CNBD1: variants seen among roughly 807,000 people sequenced by gnomAD.
The protein encoded by CNBD1 is cyclic nucleotide-binding domain-containing protein 1.
Under a neutral mutation model 54.4 loss-of-function variants are expected in CNBD1, and 71 were observed. The observed-to-expected ratio is 1.30, with a 90% CI of 1.08 to 1.59. The LOEUF (loss-of-function observed/expected upper bound fraction) is 1.59. Among genes scored for constraint, CNBD1 ranks in the 40% most tolerant of loss-of-function variants. CNBD1 has a pLI of 0.00. For synonymous variants in CNBD1, 182 were observed against 170.7 expected (o/e 1.07, Z -0.51); for missense variants, 659 against 518.0 (o/e 1.27, Z -2.64).
At chr8:87,119,430 G>A (rs1403180749) in intron 4 of CNBD1, among the ~76,000 whole-genome samples, 3 of 151,642 alleles carry the variant, frequency 2.0e-5, no homozygotes, top group African/African-American at 7.3e-5. Context: ...CATTGATTTT[G>A]TATACTGCAA....
chr8:87,139,606 A>G (rs914702588), intron 4 of CNBD1, among the ~76,000 whole-genome samples: 1 of 152,146 alleles, frequency 6.6e-6, no homozygotes, highest in African/African-American at 2.4e-5. Context: ...GGTGTCAGGG[A>G]GCAGGTGAGG....
chr8:86,884,952 T>C (rs1297557579), intron 1 of CNBD1, among the ~76,000 whole-genome samples: 1 of 152,226 alleles, frequency 6.6e-6, no homozygotes, highest in Non-Finnish European at 1.5e-5. Flanking sequence ...TATTTTTTTC[T>C]AGGGCTATGC....
chr8:86,910,908 G>A (rs1015859929), intron 3 of CNBD1, among the ~76,000 whole-genome samples: 3 of 152,202 alleles, frequency 2.0e-5, no homozygotes, highest in Non-Finnish European at 4.4e-5. Flanking sequence ...AGCTTGAGGA[G>A]GTGGTGTTTG....
At chr8:87,317,849 C>G (rs1365149482) in intron 8 of CNBD1, among the ~76,000 whole-genome samples, 1 of 149,334 alleles carries the variant, frequency 6.7e-6, no homozygotes, top group Non-Finnish European at 1.5e-5. Context: ...TGAATTTGTC[C>G]CATGTTTCAC....
At chr8:87,147,719 G>A (rs1812519427) in intron 4 of CNBD1, among the ~76,000 whole-genome samples, 1 of 151,920 alleles carries the variant, frequency 6.6e-6, no homozygotes, top group Non-Finnish European at 1.5e-5. Context: ...TTTAGTACAT[G>A]GGATGCTTCA....
chr8:87,012,878 A>T (rs1441975711), intron 4 of CNBD1, among the ~76,000 whole-genome samples: 1 of 152,200 alleles, frequency 6.6e-6, no homozygotes, highest in Non-Finnish European at 1.5e-5. Context: ...TAACTCATGC[A>T]TCCTAAAATA....
chr8:86,876,385 T>C (rs944518466), intron 1 of CNBD1, among the ~76,000 whole-genome samples: 1 of 152,054 alleles, frequency 6.6e-6, no homozygotes, highest in Admixed American at 6.6e-5. Context: ...TGTAAAACCT[T>C]CTTTTCTGAT....
At chr8:87,332,217 G>A (rs1375788931) in intron 8 of CNBD1, among the ~76,000 whole-genome samples, 1 of 152,042 alleles carries the variant, frequency 6.6e-6, no homozygotes, top group African/African-American at 2.4e-5. Flanking sequence ...GCGTGGTTGT[G>A]GGCACCTGTA....
At chr8:87,197,483 G>A (rs1158943655) in intron 4 of CNBD1, among the ~76,000 whole-genome samples, 1 of 152,154 alleles carries the variant, frequency 6.6e-6, no homozygotes, top group African/African-American at 2.4e-5. Context: ...GCCTGGGAAA[G>A]CCTTAAGACC....
chr8:87,423,299 C>A (rs930889387), intron 2 of CNBD1, among the ~76,000 whole-genome samples: 1 of 148,880 alleles, frequency 6.7e-6, no homozygotes, highest in Non-Finnish European at 1.5e-5. Flanking sequence ...CTGGCCAGAA[C>A]TTCCAACACT....
chr8:86,884,192 C>G (rs995640533), intron 1 of CNBD1, among the ~76,000 whole-genome samples: 1 of 151,900 alleles, frequency 6.6e-6, no homozygotes, highest in African/African-American at 2.4e-5. Context: ...AACCTTGCCC[C>G]TTTCCGTTTC....
intron 4 of CNBD1, among the ~76,000 whole-genome samples, chr8:87,164,101 T>C (rs186052323): frequency 2.6e-5 from 4 of 152,000 alleles, no homozygotes; most frequent in Non-Finnish European, 5.9e-5. Flanking sequence ...ATTACATTGT[T>C]GATTTGCATA....
intron 4 of CNBD1, among the ~76,000 whole-genome samples, chr8:87,099,861 G>C (rs1403989111): frequency 1.3e-5 from 2 of 152,164 alleles, no homozygotes; most frequent in Non-Finnish European, 2.9e-5. Flanking sequence ...TATAAATTTG[G>C]AAATTTTTAA....
At position 86,930,872 on chromosome 8, in the gene CNBD1, C is replaced by G. The variant is rs151021938; in HGVS notation, c.273-8724C>G. Among the ~76,000 whole-genome samples the G allele has an allele frequency of 2.0e-3, 311 of 152,182 alleles. 3 individuals carry two copies. The highest frequency in any genetic ancestry group is 7.2e-3 in the African/African-American group (297 of 41,528). ...AAACTTCAGGGCTTAGGGGATATTG[C>G]CTTTGTAAGGAAAAGCGGTGGGGTC... On this transcript the variant is annotated intron_variant, in intron 3 of 10. Transcript: ENST00000518476.
intron 5 of CNBD1, among the ~76,000 whole-genome samples, chr8:87,221,916 CTT>C (rs1814347492): frequency 6.6e-6 from 1 of 151,970 alleles, no homozygotes; most frequent in South Asian, 2.1e-4. Flanking sequence ...GGTTATTAGA[CTT>C]GTGTCTTAAA....
Position 87,083,907 on chromosome 8 carries a change from G to C in CNBD1, c.432-122086G>C, listed in dbSNP as rs564289214. 3.9e-5 allele frequency among the ~76,000 whole-genome samples: 6 copies of C among 152,186 alleles called. No individual in the cohort carries two copies. The South Asian group carries it at 1.0e-3, about 26-fold the overall frequency. On this transcript the variant is annotated intron_variant, in intron 4 of 10. Transcript: ENST00000518476. The stretch of plus-strand genomic sequence containing the variant: ...CTGGCCAAACCAATGTATTTCTTAA[G>C]TGTATTTGATTGGTGTCTCATGCTG...
chr8:87,192,048 A>G (rs937417688), intron 4 of CNBD1, among the ~76,000 whole-genome samples: 2 of 152,214 alleles, frequency 1.3e-5, no homozygotes, highest in African/African-American at 4.8e-5. Context: ...AAATATATCA[A>G]CCAAGCTAGA....
intron 2 of CNBD1, among the ~76,000 whole-genome samples, chr8:87,414,523 A>G (rs1487115043): frequency 6.6e-6 from 1 of 151,988 alleles, no homozygotes; most frequent in Non-Finnish European, 1.5e-5. Flanking sequence ...AAAGTATAAT[A>G]ATAAATAAAA....
chr8:87,320,429 A>G (rs189053413), intron 8 of CNBD1, among the ~76,000 whole-genome samples: 1 of 152,098 alleles, frequency 6.6e-6, no homozygotes, highest in Non-Finnish European at 1.5e-5. Context: ...TACTGAGACT[A>G]TCTTCAATGG....
Sources: allele counts gnomAD v4.1 joint callset (sites outside exome capture counted in the v4.1 genomes callset), GRCh38; gene constraint gnomAD v4.1.1; transcripts MANE v1.5; gene names NCBI Gene and HGNC (gene_info 2026-07-23, HGNC 2026-07-21).